Variants in ASB15 observed in about 807,000 individuals in gnomAD.
ASB15 encodes ankyrin repeat and SOCS box containing 15.
In ASB15, 54 loss-of-function variants were observed where a neutral mutation model predicts 58.0. The observed-to-expected ratio is 0.93, with a 90% CI of 0.75 to 1.17. The LOEUF (loss-of-function observed/expected upper bound fraction) is 1.17, where lower values mean the gene tolerates loss of function less well. Ranked by LOEUF, ASB15 falls within the 50% of genes most tolerant of loss-of-function variation. The probability of loss-of-function intolerance (pLI) is 0.00; values close to 1 mark genes in which losing one functional copy is unlikely to be tolerated. For missense variants in ASB15, 680 were observed against 707.4 expected (o/e 0.96, Z 0.44); for synonymous variants, 249 against 262.4 (o/e 0.95, Z 0.50).
chr7:123,590,907 G>A (rs76790617), intron 1 of ASB15, among the ~76,000 whole-genome samples: 44,692 of 151,960 alleles, frequency 0.29, 6,708 homozygotes, highest in East Asian at 0.4. Flanking sequence ...CCATTTTCAC[G>A]ATACTGATTC....
chr7:123,570,191 T>C (rs949758027), intron 1 of ASB15, among the ~76,000 whole-genome samples: 2 of 151,890 alleles, frequency 1.3e-5, no homozygotes, highest in African/African-American at 4.8e-5. Context: ...CCCGCCACCA[T>C]GCCCAGCTAA....
chr7:123,570,029 CTTTTTTTT>C (rs5887142), intron 1 of ASB15, among the ~76,000 whole-genome samples: 1,224 of 88,302 alleles, frequency 0.014, 19 homozygotes, highest in African/African-American at 0.052. Context: ...ACTGCCATAG[CTTTTTTTT>C]TTTTTTTTTT....
chr7:123,597,594 G>A (rs1035415878), upstream of ASB15, among the ~76,000 whole-genome samples: 13 of 152,136 alleles, frequency 8.5e-5, no homozygotes, highest in Admixed American at 7.2e-4. Flanking sequence ...CACTTTGGGA[G>A]GCCAAGGTGG....
intron 3 of ASB15, among the ~76,000 whole-genome samples, chr7:123,613,994 C>T (rs1800629477): frequency 1.3e-5 from 2 of 152,000 alleles, no homozygotes; most frequent in South Asian, 2.1e-4. Context: ...TGCAGTAAGC[C>T]GAGATCATGC....
chr7:123,628,072 T>C (rs1446101014), intron 9 of ASB15, among the ~76,000 whole-genome samples: 2 of 152,240 alleles, frequency 1.3e-5, no homozygotes, highest in Non-Finnish European at 2.9e-5. Context: ...CCTGTGACTC[T>C]CATACATGTC....
intron 8 of ASB15, among the ~76,000 whole-genome samples, chr7:123,626,118 A>T (rs750047272): frequency 6.6e-6 from 1 of 152,124 alleles, no homozygotes; most frequent in Non-Finnish European, 1.5e-5. Flanking sequence ...GAGTAGTCAC[A>T]CTTATTCTTC....
chr7:123,607,305 A>T (rs1016568947), intron 2 of ASB15, among the ~76,000 whole-genome samples: 8 of 152,184 alleles, frequency 5.3e-5, no homozygotes, highest in Non-Finnish European at 1.5e-5. Context: ...AATATTCTTC[A>T]AGTATATGAA....
intron 1 of ASB15, among the ~76,000 whole-genome samples, chr7:123,568,206 GT>G (rs1798810178): frequency 6.6e-6 from 1 of 152,148 alleles, no homozygotes; most frequent in African/African-American, 2.4e-5. Context: ...GTTAAACATA[GT>G]TGTCTCTATT....
chr7:123,618,190 A>C (rs1252975840), intron 7 of ASB15, among the ~76,000 whole-genome samples: 2 of 152,222 alleles, frequency 1.3e-5, no homozygotes, highest in Admixed American at 6.5e-5. Context: ...GATGCAGAGC[A>C]TGGCACCTAT....
At chr7:123,619,673 G>A (rs1029697529) in intron 7 of ASB15, among the ~76,000 whole-genome samples, 3 of 152,032 alleles carry the variant, frequency 2.0e-5, no homozygotes, top group East Asian at 1.9e-4. Flanking sequence ...ACAGGCGCCC[G>A]CCACCACGCC....
At chr7:123,616,602 A>G in intron 6 of ASB15, 107 bp downstream of exon 6, 3 of 1,266,444 alleles carry the variant, frequency 2.4e-6, no homozygotes, top group Non-Finnish European at 3.2e-6. Context: ...AAGGCAGATT[A>G]AAATATTATT....
At chr7:123,593,569 T>C (rs553737821) in intron 1 of ASB15, among the ~76,000 whole-genome samples, 32 of 152,296 alleles carry the variant, frequency 2.1e-4, no homozygotes, top group African/African-American at 7.2e-4. Context: ...GGTTGAAAAT[T>C]CTTTTTTTTT....
At chr7:123,599,026 G>GT (rs1799790543), upstream of ASB15, 1 of 152,116 alleles carries the variant, frequency 6.6e-6, no homozygotes, top group Non-Finnish European at 1.5e-5. Flanking sequence ...TTTATTTTAT[G>GT]TTTTTATATT....
chr7:123,592,098 T>C (rs1362339898), intron 1 of ASB15, among the ~76,000 whole-genome samples: 2 of 152,212 alleles, frequency 1.3e-5, no homozygotes, highest in African/African-American at 4.8e-5. Flanking sequence ...GAGGTGTTTA[T>C]AGTATTCTGA....
At chr7:123,594,881 C>T (rs190102425) in intron 1 of ASB15, among the ~76,000 whole-genome samples, 13 of 152,308 alleles carry the variant, frequency 8.5e-5, no homozygotes, top group South Asian at 6.2e-4. Context: ...CAGATAGGCC[C>T]TGCCCCCAGA....
intron 11 of ASB15, among the ~76,000 whole-genome samples, chr7:123,630,758 G>A (rs1218344928): frequency 3.3e-5 from 5 of 152,074 alleles, no homozygotes; most frequent in Non-Finnish European, 7.4e-5. Flanking sequence ...TATAAGTTTG[G>A]AAAAATAAAC....
At position 123,627,127 on chromosome 7, in the gene ASB15, T is replaced by C. The variant is rs753255804; in HGVS notation, c.715T>C (p.Leu239=). ...LIHKGGDVLA[L]ADDGASVLFE... ...ACTGCCAGGTGGTGATGTGCTTGCT[T>C]TGGCGGATGATGGGGCGTCGGTGCT... Residue 239 remains leucine, a synonymous_variant, in exon 9 of 12, where the codon TTG becomes CTG. Coordinates refer to ENST00000451215, the MANE Select transcript of ASB15 (RefSeq NM_001290258.2). The C allele has an allele frequency of 1.2e-6, 2 of 1,613,216 alleles. No homozygotes were observed. The highest frequency in any genetic ancestry group is 2.7e-5 in the African/African-American group (2 of 74,862).
At chr7:123,590,141 T>C (rs549956008) in intron 1 of ASB15, among the ~76,000 whole-genome samples, 58 of 152,346 alleles carry the variant, frequency 3.8e-4, no homozygotes, top group African/African-American at 1.3e-3. Context: ...TCTGTTCATG[T>C]CCTTTGCCCA....
rs1254730095 is a variant in ASB15 at position 123,574,219 on chromosome 7, T to TC, written c.-443+7132dup. On this transcript the variant is annotated intron_variant, in intron 1 of 13. Coordinates refer to the ASB15 transcript ENST00000451558. ...TCTCCTTTTTTTTTCTTTTTTTTTTTCTGATTCACTATTGCAACATTCTAC... is the reference window on the plus strand; with the variant it reads ...TCTCCTTTTTTTTTCTTTTTTTTTTTCCTGATTCACTATTGCAACATTCTAC... Among the ~76,000 whole-genome samples the TC allele has an allele frequency of 2.0e-5, 3 of 152,098 alleles. No individual in the cohort carries two copies. In the South Asian group the frequency reaches 6.2e-4, roughly 32 times the overall value.
Sources: allele counts gnomAD v4.1 joint callset (sites outside exome capture counted in the v4.1 genomes callset), GRCh38; gene constraint gnomAD v4.1.1; transcripts MANE v1.5; gene names NCBI Gene and HGNC (gene_info 2026-07-23, HGNC 2026-07-21).